CELF2: variants seen among roughly 807,000 people sequenced by gnomAD.
CELF2 encodes the protein CUGBP Elav-like family member 2.
In CELF2, 8 loss-of-function variants were observed where a neutral mutation model predicts 62.6. The ratio of observed to expected loss-of-function variants is 0.13; its 90% CI spans 0.07 to 0.23. The LOEUF is 0.23. Ranked by LOEUF, CELF2 falls within the 10% of genes least tolerant of loss-of-function variation. CELF2 has a pLI of 1.00. For missense variants in CELF2, 333 were observed against 671.0 expected, an observed-to-expected ratio of 0.50 and a Z score of 5.56; for synonymous variants, 258 against 250.0, an observed-to-expected ratio of 1.03 and a Z score of -0.30.
chr10:11,074,139 G>C (rs1047140506), intron 1 of CELF2, among the ~76,000 whole-genome samples: 5 of 152,046 alleles, frequency 3.3e-5, no homozygotes, highest in African/African-American at 1.2e-4. Flanking sequence ...CTATTTTGTT[G>C]CTTTTTTGAT....
chr10:11,287,790 A>C (rs1164329627), intron 8 of CELF2, among the ~76,000 whole-genome samples: 1 of 152,232 alleles, frequency 6.6e-6, no homozygotes, highest in African/African-American at 2.4e-5. Context: ...TGCCAAAGTA[A>C]TTTGCTTTCA....
intron 2 of CELF2, among the ~76,000 whole-genome samples, chr10:10,996,810 A>C (rs973960228): frequency 6.6e-6 from 1 of 151,596 alleles, no homozygotes; most frequent in Non-Finnish European, 1.5e-5. Flanking sequence ...GGTCTCTTCC[A>C]CTGCAGTATC....
chr10:10,647,932 T>G, the CELF2 span, among the ~76,000 whole-genome samples: 2 of 152,192 alleles, frequency 1.3e-5, no homozygotes, highest in Non-Finnish European at 2.9e-5. Context: ...AATCCATTGT[T>G]ACGGGAGAGA....
At chr10:10,615,900 G>A in the CELF2 span, among the ~76,000 whole-genome samples, 1 of 152,068 alleles carries the variant, frequency 6.6e-6, no homozygotes, top group Non-Finnish European at 1.5e-5. Flanking sequence ...TAATATAACT[G>A]GTGAAGGAAG....
upstream of CELF2, among the ~76,000 whole-genome samples, chr10:10,797,762 C>G (rs1451987367): frequency 1.3e-5 from 2 of 152,074 alleles, no homozygotes; most frequent in Non-Finnish European, 2.9e-5. Flanking sequence ...AAACCAGGAC[C>G]CTCCAAGCAT....
the CELF2 span, among the ~76,000 whole-genome samples, chr10:10,538,650 C>G: frequency 6.6e-6 from 1 of 152,046 alleles, no homozygotes; most frequent in Non-Finnish European, 1.5e-5. Flanking sequence ...CAGCCCCAAA[C>G]ATACTACAGA....
At chr10:10,797,358 C>G (rs2054203758), upstream of CELF2, among the ~76,000 whole-genome samples, 1 of 151,512 alleles carries the variant, frequency 6.6e-6, no homozygotes, top group South Asian at 2.1e-4. Context: ...GTTCTTAACA[C>G]TCTTAACATT....
the CELF2 span, among the ~76,000 whole-genome samples, chr10:10,487,606 T>C: frequency 4.6e-5 from 7 of 152,202 alleles, no homozygotes; most frequent in Non-Finnish European, 1.0e-4. Context: ...CTTTGACTCT[T>C]TCTTCACCTT....
chr10:11,039,930 CA>C lies in CELF2; in HGVS notation c.74+21772del, dbSNP rs2061535638. Among the ~76,000 whole-genome samples, 1 of 152,122 alleles carries C rather than the reference CA, an allele frequency of 6.6e-6. No individual in the cohort carries two copies. The highest frequency in any genetic ancestry group is 2.4e-5 in the African/African-American group (1 of 41,420). Reference sequence around the variant, plus strand: ...GTTTTTGTCAAGCTAATATTATTTACAAAAACCATCCCAAGGACTGAGAGCA... The same window carrying C: ...GTTTTTGTCAAGCTAATATTATTTACAAAACCATCCCAAGGACTGAGAGCA... On this transcript the variant is annotated intron_variant, in intron 1 of 12. Coordinates refer to ENST00000633077, the MANE Select transcript of CELF2 (RefSeq NM_001326342.2). The surrounding 1 kb of genome is among the most constrained non-coding windows in gnomAD (Gnocchi z 4.1).
rs567571139 is a variant in CELF2 at position 11,244,852 on chromosome 10, T to C, written c.355-4301T>C. The stretch of plus-strand genomic sequence containing the variant: ...ACATGAGGATTGCTTTGAGAATGAA[T>C]GCAGACATAGCTTCATCTGAGACGC... On this transcript the variant is annotated intron_variant, in intron 3 of 12. Coordinates refer to ENST00000633077, the MANE Select transcript of CELF2 (RefSeq NM_001326342.2). This position sits in a 1 kb window ranked among gnomAD's most constrained non-coding sequence, Gnocchi z 4.2. Among the ~76,000 whole-genome samples the C allele has an allele frequency of 1.3e-5, 2 of 152,318 alleles. No individual in the cohort carries two copies. The highest frequency in any genetic ancestry group is 4.1e-4 in the South Asian group (2 of 4,828).
chr10:11,254,031 T>C (rs2077951186), intron 4 of CELF2, among the ~76,000 whole-genome samples: 1 of 152,180 alleles, frequency 6.6e-6, no homozygotes, highest in Non-Finnish European at 1.5e-5. Context: ...ATAAGTGAGA[T>C]ACTTAGTGCC....
the CELF2 span, among the ~76,000 whole-genome samples, chr10:10,731,864 A>G: frequency 2.6e-5 from 4 of 152,150 alleles, no homozygotes; most frequent in Non-Finnish European, 5.9e-5. Flanking sequence ...GTGAGTCAGG[A>G]TAAGCAAAGT....
intron 1 of CELF2, among the ~76,000 whole-genome samples, chr10:10,871,019 C>T (rs1407745543): frequency 6.6e-6 from 1 of 151,938 alleles, no homozygotes; most frequent in Non-Finnish European, 1.5e-5. Flanking sequence ...CCTGCTGTTG[C>T]GCCATAAATA....
intron 2 of CELF2, among the ~76,000 whole-genome samples, chr10:10,927,451 T>G (rs1217060912): frequency 6.6e-6 from 1 of 151,790 alleles, no homozygotes; most frequent in Non-Finnish European, 1.5e-5. Flanking sequence ...TTTTTTGAAA[T>G]GGGTCTCACT....
chr10:10,773,849 A>C, the CELF2 span, among the ~76,000 whole-genome samples: 1 of 151,932 alleles, frequency 6.6e-6, no homozygotes, highest in African/African-American at 2.4e-5. Context: ...CTTCCTTTTA[A>C]TTTGCTAAGC....
the CELF2 span, among the ~76,000 whole-genome samples, chr10:10,521,702 T>C: frequency 2.6e-5 from 4 of 152,208 alleles, no homozygotes; most frequent in Non-Finnish European, 4.4e-5. Context: ...GTTTACTTGC[T>C]AACCCTAAGC....
chr10:10,519,491 C>A, the CELF2 span, among the ~76,000 whole-genome samples: 1 of 152,144 alleles, frequency 6.6e-6, no homozygotes, highest in African/African-American at 2.4e-5. Context: ...CACAAGTCAA[C>A]TAACTTGACT....
chr10:10,561,397 C>T, the CELF2 span, among the ~76,000 whole-genome samples: 27 of 152,212 alleles, frequency 1.8e-4, no homozygotes, highest in African/African-American at 6.3e-4. Context: ...TTCCTTTCTT[C>T]ACTTCCTTCA....
intron 2 of CELF2, chr10:10,920,094 T>C (rs1461025117): frequency 1.1e-6 from 1 of 917,376 alleles, no homozygotes; most frequent in Non-Finnish European, 1.4e-6. Context: ...CTTCTCATTT[T>C]GTCTTCCTCA....
Sources: gnomAD v4.1 joint callset for allele counts (sites outside exome capture counted in the v4.1 genomes callset) on GRCh38, gnomAD v4.1.1 for gene constraint, Gnocchi (gnomAD v3.1) non-coding constraint, MANE v1.5 for transcripts, NCBI Gene and HGNC (gene_info 2026-07-23, HGNC 2026-07-21) for gene names.